Variants in APOLD1 observed in about 807,000 individuals in gnomAD.
The protein encoded by APOLD1 is apolipoprotein L domain containing 1, also known as apolipoprotein L domain-containing protein 1.
Under a neutral mutation model 15.3 loss-of-function variants are expected in APOLD1, and 22 were observed. The observed-to-expected ratio is 1.44, with a 90% CI of 1.03 to 2.05. APOLD1 has a LOEUF of 2.05. APOLD1 is among the 30% of genes most tolerant of loss of function. The pLI is 0.00. For synonymous variants in APOLD1, 190 were observed against 167.4 expected (o/e 1.13, Z -1.04); for missense variants, 394 against 353.5 (o/e 1.11, Z -0.92).
At chr12:12,730,179 G>C (rs1011640749) in intron 1 of APOLD1, among the ~76,000 whole-genome samples, 9 of 151,718 alleles carry the variant, frequency 5.9e-5, no homozygotes, top group Non-Finnish European at 1.3e-4. Flanking sequence ...CTCCCAAAGT[G>C]CTGAAATTAC....
At chr12:12,753,314 T>C (rs980918082) in intron 1 of APOLD1, among the ~76,000 whole-genome samples, 1 of 152,178 alleles carries the variant, frequency 6.6e-6, no homozygotes, top group African/African-American at 2.4e-5. Context: ...AAGGGTAATA[T>C]ACATATGTAT....
In APOLD1 at chr12:12,787,726, T is replaced by C. The variant is rs1440762180; in HGVS notation, c.*74T>C. On this transcript the variant is annotated 3_prime_UTR_variant, in exon 2 of 2. Transcript: ENST00000356591. This position sits in a 1 kb window ranked among gnomAD's most constrained non-coding sequence, Gnocchi z 4.9. ...GATGCTCCAGAATTTGTAGCTCCCT[T>C]AGGAAAACACCAAGCTGGGTTAGGA... 1 of 1,507,772 alleles carries C rather than the reference T, an allele frequency of 6.6e-7. No individual in the cohort carries two copies. The highest frequency in any genetic ancestry group is 1.4e-5 in the African/African-American group (1 of 71,982). The allele number at this position is 1,507,772 out of a possible 1,614,324, so 93.4% of individuals were successfully genotyped here. A position where few individuals can be genotyped will look rare whatever the true frequency, so the allele number is the denominator to read the frequency against.
At chr12:12,747,525 A>C (rs947125258) in intron 1 of APOLD1, among the ~76,000 whole-genome samples, 51 of 152,296 alleles carry the variant, frequency 3.3e-4, no homozygotes, top group African/African-American at 1.2e-3. Flanking sequence ...CAGGGAGGCA[A>C]GTCTACTTTG....
chr12:12,743,868 G>T (rs561594559), intron 1 of APOLD1, among the ~76,000 whole-genome samples: 6 of 152,304 alleles, frequency 3.9e-5, no homozygotes, highest in African/African-American at 1.4e-4. Flanking sequence ...AAGGGGCTAG[G>T]AGCCCAGGAA....
At chr12:12,763,581 A>G (rs1565433198) in intron 1 of APOLD1, among the ~76,000 whole-genome samples, 1 of 152,184 alleles carries the variant, frequency 6.6e-6, no homozygotes, top group Non-Finnish European at 1.5e-5. Flanking sequence ...TATAATAACT[A>G]TGTAGCATTT....
chr12:12,749,799 C>T (rs999518689), intron 1 of APOLD1, among the ~76,000 whole-genome samples: 7 of 152,184 alleles, frequency 4.6e-5, no homozygotes, highest in Non-Finnish European at 1.0e-4. Context: ...AGTGTACTTT[C>T]GTTTTCAATA....
chr12:12,782,275 AAACAAACAAACAAACAAAC>A, upstream of APOLD1, among the ~76,000 whole-genome samples: 1 of 151,856 alleles, frequency 6.6e-6, no homozygotes, highest in Non-Finnish European at 1.5e-5. Flanking sequence ...ACAAACAAAC[AAACAAACAAACAAACAAAC>A]ACTACCAGTT....
intron 1 of APOLD1, among the ~76,000 whole-genome samples, chr12:12,764,446 A>G (rs555422952): frequency 2.0e-4 from 30 of 152,244 alleles, no homozygotes; most frequent in Non-Finnish European, 3.7e-4. Flanking sequence ...TTTGTAAAAG[A>G]AAACCACAAC....
At chr12:12,760,344 A>G (rs1032701298) in intron 1 of APOLD1, among the ~76,000 whole-genome samples, 1 of 150,464 alleles carries the variant, frequency 6.6e-6, no homozygotes, top group African/African-American at 2.5e-5. Flanking sequence ...CAAACAAACA[A>G]ACAAAAACCT....
rs190382813 is a variant in APOLD1, at chr12:12,773,267, C to G, written c.97-13642C>G. Among the ~76,000 whole-genome samples the G allele has an allele frequency of 4.9e-3, 744 of 152,264 alleles. 7 individuals are homozygous for G. The highest frequency in any genetic ancestry group is 8.4e-3 in the Non-Finnish European group (569 of 68,022). ...AAAAGAAGAACAAATTAAGTCTAAA[C>G]TAAGTAGAAGTGGCCAGTTATGGTG... On this transcript the variant is annotated intron_variant, in intron 1 of 1. Transcript: ENST00000326765.
rs71436735 is a variant in APOLD1 at position 12,777,889 on chromosome 12, G to GTT, written c.97-8985_97-8984dup. On this transcript the variant is annotated intron_variant, in intron 1 of 1. Transcript: ENST00000326765. ...AAATATCTTCTCTACAAGGAAAGGT[G>GTT]TTTTTTTTTTTTTTTTTTTTTTTTT... 5.0e-4 allele frequency among the ~76,000 whole-genome samples: 58 copies of GTT among 117,088 alleles called. 4 individuals carry two copies. The highest frequency in any genetic ancestry group is 2.0e-3 in the African/African-American group (52 of 26,664). 76.8% of individuals were successfully genotyped at this position (117,088 alleles called of 152,430 possible).
At chr12:12,756,176 C>G (rs914549146) in intron 1 of APOLD1, among the ~76,000 whole-genome samples, 2 of 152,168 alleles carry the variant, frequency 1.3e-5, no homozygotes, top group Non-Finnish European at 2.9e-5. Context: ...ATGAAAAAGC[C>G]CACGTGACTG....
chr12:12,780,590 A>T (rs961211329), intron 1 of APOLD1, among the ~76,000 whole-genome samples: 3 of 145,538 alleles, frequency 2.1e-5, no homozygotes, highest in East Asian at 2.1e-4. Flanking sequence ...TTTCAATTTT[A>T]TTTATTTATT....
Position 12,761,835 on chromosome 12 carries a change from A to ATATATATATATAT in APOLD1, c.97-25074_97-25073insTATATATATATAT, listed in dbSNP as rs1565432774. Among the ~76,000 whole-genome samples, 14 of 123,388 alleles carry ATATATATATATAT rather than the reference A, an allele frequency of 1.1e-4. 1 individual carries two copies. The East Asian group carries it at 1.2e-3, about 11-fold the overall frequency. 80.9% of individuals were successfully genotyped at this position (123,388 alleles called of 152,430 possible). ...TATACATATATGTATATGTATAGAGAGAGAGAGAGAGAGAGAGAGAGAGAG... is the reference window on the plus strand; with the variant it reads ...TATACATATATGTATATGTATAGAGATATATATATATATGAGAGAGAGAGAGAGAGAGAGAGAG... On this transcript the variant is annotated intron_variant, in intron 1 of 1. Coordinates refer to the APOLD1 transcript ENST00000326765.
chr12:12,737,198 G>A (rs2136371308), intron 1 of APOLD1, among the ~76,000 whole-genome samples: 1 of 146,622 alleles, frequency 6.8e-6, no homozygotes, highest in East Asian at 2.0e-4. Flanking sequence ...ACTTCAAAAG[G>A]ATAATAGAAA....
At chr12:12,758,998 CAAG>C (rs1250574459) in intron 1 of APOLD1, among the ~76,000 whole-genome samples, 1 of 152,054 alleles carries the variant, frequency 6.6e-6, no homozygotes, top group Non-Finnish European at 1.5e-5. Context: ...ATCTGATAAC[CAAG>C]AAGGTTACTA....
At chr12:12,775,568 A>C (rs1226537325) in intron 1 of APOLD1, among the ~76,000 whole-genome samples, 1 of 152,174 alleles carries the variant, frequency 6.6e-6, no homozygotes, top group Non-Finnish European at 1.5e-5. Flanking sequence ...TGTTCCACTC[A>C]ATTTTGTTGC....
chr12:12,740,862 C>G (rs1487357052), intron 1 of APOLD1, among the ~76,000 whole-genome samples: 1 of 152,144 alleles, frequency 6.6e-6, no homozygotes, highest in African/African-American at 2.4e-5. Flanking sequence ...TGCGGCTGGG[C>G]ACGGTGGCTC....
intron 1 of APOLD1, among the ~76,000 whole-genome samples, chr12:12,747,003 A>C (rs1565428978): frequency 6.6e-6 from 1 of 152,192 alleles, no homozygotes; most frequent in Non-Finnish European, 1.5e-5. Context: ...ATATTCTCTA[A>C]TGTTAATTGA....
Sources: gnomAD v4.1 joint callset for allele counts (sites outside exome capture counted in the v4.1 genomes callset) on GRCh38, gnomAD v4.1.1 for gene constraint, Gnocchi (gnomAD v3.1) non-coding constraint, MANE v1.5 for transcripts, NCBI Gene and HGNC (gene_info 2026-07-23, HGNC 2026-07-21) for gene names.